GATA6: variants seen among roughly 807,000 people sequenced by gnomAD.
GATA6 encodes GATA binding protein 6, also known as transcription factor GATA-6.
In GATA6, 11 loss-of-function variants were observed where a neutral mutation model predicts 48.1. That is an observed-to-expected ratio of 0.23 (90% CI 0.14 to 0.38). GATA6 has a LOEUF of 0.38. Among genes scored for constraint, GATA6 ranks in the 10% least tolerant of loss-of-function variants. The pLI, the probability that GATA6 is intolerant of heterozygous loss-of-function variation, is 1.00. For missense variants in GATA6, 795 were observed against 850.3 expected (o/e 0.93, Z 0.81); for synonymous variants, 419 against 396.1 (o/e 1.06, Z -0.69).
chr18:22,200,613 TC>T, intron 6 of GATA6, 42 bp from the exon 7 acceptor site: 1 of 1,613,470 alleles, frequency 6.2e-7, no homozygotes, highest in Non-Finnish European at 8.5e-7. Context: ...TGTAACCGCT[TC>T]TCACCTTCTC....
chr18:22,199,489 C>A (rs2033429326), intron 6 of GATA6, among the ~76,000 whole-genome samples: 1 of 152,146 alleles, frequency 6.6e-6, no homozygotes. Context: ...AAACTGTTGT[C>A]TAAACAGATT....
chr18:22,190,009 G>A (rs1016559470), intron 6 of GATA6, among the ~76,000 whole-genome samples: 2 of 152,190 alleles, frequency 1.3e-5, no homozygotes, highest in Non-Finnish European at 2.9e-5. Context: ...CCACTACAGC[G>A]TGTTAGATTA....
chr18:22,190,774 C>T (rs917957366), intron 6 of GATA6, among the ~76,000 whole-genome samples: 3 of 152,188 alleles, frequency 2.0e-5, no homozygotes, highest in Non-Finnish European at 4.4e-5. Context: ...TTATTAATAT[C>T]CCACTTGCCA....
At chr18:22,200,178 T>A (rs749620804) in intron 6 of GATA6, among the ~76,000 whole-genome samples, 3 of 90,704 alleles carry the variant, frequency 3.3e-5, no homozygotes, top group Admixed American at 1.2e-4. Flanking sequence ...CTTGTTAGAG[T>A]GTGTGTGTGT....
intron 2 of GATA6, 200 bp from the exon 3 acceptor site, chr18:22,176,755 T>C: frequency 1.7e-6 from 1 of 595,628 alleles, no homozygotes; most frequent in Non-Finnish European, 2.8e-6. Flanking sequence ...TGTGCAGAAG[T>C]ATTGGACAAA....
chr18:22,180,525 A>G (rs2033179321), intron 3 of GATA6, among the ~76,000 whole-genome samples: 9 of 152,186 alleles, frequency 5.9e-5, no homozygotes, highest in Admixed American at 5.9e-4. Flanking sequence ...CTGATAGGGC[A>G]AATACTGATA....
chr18:22,186,996 A>G (rs1187644010), intron 6 of GATA6, among the ~76,000 whole-genome samples: 1 of 152,232 alleles, frequency 6.6e-6, no homozygotes, highest in African/African-American at 2.4e-5. Context: ...ACGGTCATAC[A>G]GCCCTGCTTA....
chr18:22,179,703 A>G (rs913321208), intron 3 of GATA6, among the ~76,000 whole-genome samples: 4 of 152,200 alleles, frequency 2.6e-5, no homozygotes, highest in African/African-American at 9.7e-5. Flanking sequence ...AAAAGCCTGG[A>G]TGTGTAAAGT....
intron 2 of GATA6, among the ~76,000 whole-genome samples, chr18:22,173,379 A>G (rs1352905190): frequency 6.6e-6 from 1 of 151,956 alleles, no homozygotes; most frequent in Admixed American, 6.6e-5. Flanking sequence ...TGAGTCACAG[A>G]GGTGGCAGAG....
intron 6 of GATA6, among the ~76,000 whole-genome samples, chr18:22,198,859 A>C (rs1487182100): frequency 6.6e-6 from 1 of 152,208 alleles, no homozygotes; most frequent in Non-Finnish European, 1.5e-5. Context: ...TAGACATCTC[A>C]CTGATTTTTG....
At position 22,172,326 on chromosome 18, in the gene GATA6, G is replaced by A. The variant is rs1201605443; in HGVS notation, c.1135+47G>A. The A allele has an allele frequency of 1.3e-6, 2 of 1,515,054 alleles. No homozygotes were observed. The highest frequency in any genetic ancestry group is 1.8e-6 in the Non-Finnish European group (2 of 1,133,378). 93.9% of individuals were successfully genotyped at this position (1,515,054 alleles called of 1,614,324 possible). A position where few individuals can be genotyped will look rare whatever the true frequency, so the allele number is the denominator to read the frequency against. ...CGGGGTGCGGGTCCAAAGCGCTGGG[G>A]CGCACGGGGGACGTGGAGCAGCTGC... On this transcript the variant is annotated intron_variant, in intron 2 of 6. Coordinates refer to ENST00000269216, the MANE Select transcript of GATA6 (RefSeq NM_005257.6). The surrounding 1 kb of genome is among the most constrained non-coding windows in gnomAD (Gnocchi z 5.2).
intron 2 of GATA6, among the ~76,000 whole-genome samples, chr18:22,175,092 T>G (rs1188732114): frequency 6.6e-6 from 1 of 152,114 alleles, no homozygotes; most frequent in Non-Finnish European, 1.5e-5. Context: ...AAGGGGGAAC[T>G]TGGTGAGCAA....
chr18:22,174,088 G>A (rs1032812219), intron 2 of GATA6, among the ~76,000 whole-genome samples: 3 of 152,212 alleles, frequency 2.0e-5, no homozygotes, highest in South Asian at 4.1e-4. Flanking sequence ...ATAGGGACCC[G>A]TGTTTGGCTC....
intron 6 of GATA6, among the ~76,000 whole-genome samples, chr18:22,194,483 G>A (rs756513374): frequency 6.6e-6 from 1 of 152,152 alleles, no homozygotes; most frequent in African/African-American, 2.4e-5. Flanking sequence ...TGGGCATTCC[G>A]GAGCTCTCCC....
chr18:22,178,225 G>T lies in GATA6; in HGVS notation c.1302+1104G>T, dbSNP rs372740794. On this transcript the variant is annotated intron_variant, in intron 3 of 6. Coordinates refer to ENST00000269216, the MANE Select transcript of GATA6 (RefSeq NM_005257.6). ...GTGATCCCGCCCGCCTCGGCCTCCCGAAGTGCTAGGATTACAGGCGTGAGC... is the reference window on the plus strand; with the variant it reads ...GTGATCCCGCCCGCCTCGGCCTCCCTAAGTGCTAGGATTACAGGCGTGAGC... Among the ~76,000 whole-genome samples the T allele has an allele frequency of 3.9e-5, 6 of 152,086 alleles. No homozygotes were observed. In the East Asian group the frequency reaches 1.2e-3, roughly 29 times the overall value.
intron 6 of GATA6, among the ~76,000 whole-genome samples, chr18:22,195,379 C>T (rs1218623942): frequency 6.6e-6 from 1 of 152,162 alleles, no homozygotes; most frequent in Non-Finnish European, 1.5e-5. Flanking sequence ...AAGCCACTTT[C>T]TGATCCCATG....
At chr18:22,184,651 C>T (rs1389470558) in intron 6 of GATA6, among the ~76,000 whole-genome samples, 1 of 151,974 alleles carries the variant, frequency 6.6e-6, no homozygotes, top group Non-Finnish European at 1.5e-5. Flanking sequence ...TACACCAACT[C>T]ACCTGGCTAA....
intron 6 of GATA6, among the ~76,000 whole-genome samples, chr18:22,183,719 G>A (rs956357160): frequency 3.9e-5 from 6 of 152,160 alleles, no homozygotes; most frequent in African/African-American, 1.2e-4. Context: ...TTCTTATAAA[G>A]CTGTGACCAA....
At chr18:22,190,795 G>A (rs949465747) in intron 6 of GATA6, among the ~76,000 whole-genome samples, 6 of 152,066 alleles carry the variant, frequency 3.9e-5, no homozygotes, top group Non-Finnish European at 5.9e-5. Flanking sequence ...CATGCTACAA[G>A]CCATGAACAT....
Sources: gnomAD v4.1 joint callset for allele counts (sites outside exome capture counted in the v4.1 genomes callset) on GRCh38, gnomAD v4.1.1 for gene constraint, Gnocchi (gnomAD v3.1) non-coding constraint, MANE v1.5 for transcripts, NCBI Gene and HGNC (gene_info 2026-07-23, HGNC 2026-07-21) for gene names.